Variants in FHIT observed in about 807,000 individuals in gnomAD.
The protein encoded by FHIT is fragile histidine triad diadenosine triphosphatase.
Under a neutral mutation model 17.9 loss-of-function variants are expected in FHIT, and 19 were observed. The ratio of observed to expected loss-of-function variants is 1.06; its 90% CI spans 0.74 to 1.56. The LOEUF is 1.56. Ranked by LOEUF, FHIT falls within the 40% of genes most tolerant of loss-of-function variation. FHIT has a pLI of 0.00. For synonymous variants in FHIT, 81 were observed against 69.7 expected, an observed-to-expected ratio of 1.16 and a Z score of -0.81; for missense variants, 248 against 189.2, an observed-to-expected ratio of 1.31 and a Z score of -1.82.
At chr3:60,295,584 T>A (rs1468838692) in intron 5 of FHIT, among the ~76,000 whole-genome samples, 1 of 152,072 alleles carries the variant, frequency 6.6e-6, no homozygotes, top group Non-Finnish European at 1.5e-5. Flanking sequence ...TCATGAGGGA[T>A]CTGCCACCAT....
intron 3 of FHIT, among the ~76,000 whole-genome samples, chr3:60,997,531 C>T (rs1575815333): frequency 6.6e-6 from 1 of 152,048 alleles, no homozygotes; most frequent in Non-Finnish European, 1.5e-5. Flanking sequence ...GTGCACTTTT[C>T]CTAGTCATCT....
At chr3:60,064,323 G>T (rs1433142835) in intron 5 of FHIT, among the ~76,000 whole-genome samples, 2 of 152,032 alleles carry the variant, frequency 1.3e-5, no homozygotes, top group Non-Finnish European at 2.9e-5. Context: ...CGAAATGGGT[G>T]GTATTTTTGA....
At chr3:60,096,779 G>A (rs1376727831) in intron 5 of FHIT, among the ~76,000 whole-genome samples, 1 of 152,098 alleles carries the variant, frequency 6.6e-6, no homozygotes, top group Non-Finnish European at 1.5e-5. Context: ...AGCAGAGAGT[G>A]TCATGGAATG....
intron 5 of FHIT, among the ~76,000 whole-genome samples, chr3:60,082,056 G>C (rs1703308981): frequency 6.6e-6 from 1 of 152,014 alleles, no homozygotes; most frequent in Non-Finnish European, 1.5e-5. Context: ...TTTGGGGTAT[G>C]ATTAATACCA....
chr3:60,982,198 G>C (rs1381556551), intron 3 of FHIT, among the ~76,000 whole-genome samples: 3 of 152,210 alleles, frequency 2.0e-5, no homozygotes, highest in Non-Finnish European at 4.4e-5. Context: ...CAAAGCCCTT[G>C]GCCCTGGCCT....
At chr3:60,915,162 T>C (rs1706938970) in intron 3 of FHIT, among the ~76,000 whole-genome samples, 1 of 152,204 alleles carries the variant, frequency 6.6e-6, no homozygotes, top group African/African-American at 2.4e-5. Flanking sequence ...CATGTCTTTT[T>C]TTTCTTCTTT....
At chr3:60,529,374 G>A (rs2035687983) in intron 5 of FHIT, among the ~76,000 whole-genome samples, 2 of 152,152 alleles carry the variant, frequency 1.3e-5, no homozygotes, top group Admixed American at 6.6e-5. Context: ...CCACGTATAT[G>A]TACTCAGTAG....
chr3:61,037,104 G>A (rs1388462313), intron 3 of FHIT, among the ~76,000 whole-genome samples: 2 of 151,930 alleles, frequency 1.3e-5, no homozygotes, highest in Non-Finnish European at 2.9e-5. Flanking sequence ...GTAGAGACAG[G>A]GTTTCACCGT....
chr3:61,145,444 T>C (rs1576099905), intron 2 of FHIT, among the ~76,000 whole-genome samples: 1 of 152,258 alleles, frequency 6.6e-6, no homozygotes, highest in South Asian at 2.1e-4. Flanking sequence ...TTGAAACTAG[T>C]AAGTGTGAGT....
intron 4 of FHIT, among the ~76,000 whole-genome samples, chr3:60,647,860 G>A (rs1253322411): frequency 6.6e-6 from 1 of 152,202 alleles, no homozygotes; most frequent in Non-Finnish European, 1.5e-5. Context: ...GGGATGAATT[G>A]TCATACACCA....
intron 3 of FHIT, among the ~76,000 whole-genome samples, chr3:60,859,199 T>C (rs1553750716): frequency 6.6e-6 from 1 of 152,204 alleles, no homozygotes; most frequent in Non-Finnish European, 1.5e-5. Context: ...ACATGTTTTT[T>C]GGAACGAAGC....
At chr3:60,096,497 C>G (rs1000148901) in intron 5 of FHIT, among the ~76,000 whole-genome samples, 1 of 152,156 alleles carries the variant, frequency 6.6e-6, no homozygotes, top group Non-Finnish European at 1.5e-5. Flanking sequence ...TCATCCAGGA[C>G]CAGCAGTCTG....
At chr3:60,318,681 C>T (rs1042610524) in intron 5 of FHIT, among the ~76,000 whole-genome samples, 1 of 152,158 alleles carries the variant, frequency 6.6e-6, no homozygotes, top group Non-Finnish European at 1.5e-5. Flanking sequence ...GACTTCAATA[C>T]TCATTAATTC....
At chr3:60,914,182 C>T (rs1706883854) in intron 3 of FHIT, among the ~76,000 whole-genome samples, 1 of 152,140 alleles carries the variant, frequency 6.6e-6, no homozygotes, top group Non-Finnish European at 1.5e-5. Context: ...TTCAATTACA[C>T]AACTATATGC....
chr3:60,873,077 T>C (rs1045837631), intron 3 of FHIT, among the ~76,000 whole-genome samples: 2 of 151,876 alleles, frequency 1.3e-5, no homozygotes, highest in Admixed American at 6.6e-5. Flanking sequence ...GCCAACCAAC[T>C]TGGGTTTTTT....
At chr3:60,558,349 A>G (rs186122771) in intron 4 of FHIT, among the ~76,000 whole-genome samples, 2 of 152,030 alleles carry the variant, frequency 1.3e-5, no homozygotes, top group Admixed American at 1.3e-4. Context: ...AATTACCCTT[A>G]GTAACAGCAC....
chr3:59,873,363 G>A (rs1016558658), intron 8 of FHIT, among the ~76,000 whole-genome samples: 3 of 152,120 alleles, frequency 2.0e-5, no homozygotes, highest in African/African-American at 7.2e-5. Context: ...CATTGTGCTG[G>A]GTATTAAAGA....
intron 2 of FHIT, among the ~76,000 whole-genome samples, chr3:61,177,029 T>C (rs1426781788): frequency 6.6e-6 from 1 of 151,932 alleles, no homozygotes; most frequent in African/African-American, 2.4e-5. Flanking sequence ...CAAAATAAAT[T>C]AGCCAGGCAT....
chr3:61,138,757 T>A (rs760446564), intron 2 of FHIT, among the ~76,000 whole-genome samples: 1 of 152,184 alleles, frequency 6.6e-6, no homozygotes, highest in Non-Finnish European at 1.5e-5. Flanking sequence ...GGTAGATTTA[T>A]ACCCCACTAA....
Sources: gnomAD v4.1 joint callset for allele counts (sites outside exome capture counted in the v4.1 genomes callset) on GRCh38, gnomAD v4.1.1 for gene constraint, MANE v1.5 for transcripts, NCBI Gene and HGNC (gene_info 2026-07-23, HGNC 2026-07-21) for gene names.